Variants in CSMD1 observed in about 807,000 individuals in gnomAD.
CSMD1 encodes the protein CUB and sushi domain-containing protein 1.
A neutral mutation model predicts 417.5 loss-of-function variants in CSMD1; 213 were observed. That is an observed-to-expected ratio of 0.51 (90% CI 0.46 to 0.57). The LOEUF (loss-of-function observed/expected upper bound fraction) is 0.57, where lower values mean the gene tolerates loss of function less well. CSMD1 is among the 20% of genes least tolerant of loss of function. CSMD1 has a pLI of 0.00. For synonymous variants in CSMD1, 2,862 were observed against 1,736.8 expected (o/e 1.65, Z -16.11); for missense variants, 6,923 against 4,529.7 (o/e 1.53, Z -15.17).
chr8:3,750,096 C>T (rs1173342820), intron 6 of CSMD1, among the ~76,000 whole-genome samples: 2 of 152,004 alleles, frequency 1.3e-5, no homozygotes, highest in Non-Finnish European at 2.9e-5. Flanking sequence ...TTGCTTTGGG[C>T]TGGGGAGGCA....
Position 4,654,070 on chromosome 8 carries a change from T to C in CSMD1, c.86-16512A>G, listed in dbSNP as rs1804076671. On this transcript the variant is annotated intron_variant, in intron 1 of 69. Transcript: ENST00000635120. Reference sequence around the variant, plus strand: ...ATAATAACTTCTCAAAGCCCCATAATGCCTCAGCAACTTTTTTCTTTCCCG... The same window carrying C: ...ATAATAACTTCTCAAAGCCCCATAACGCCTCAGCAACTTTTTTCTTTCCCG... Among the ~76,000 whole-genome samples the C allele has an allele frequency of 2.0e-5, 3 of 152,254 alleles. No individual in the cohort carries two copies. In the South Asian group the frequency reaches 6.2e-4, roughly 32 times the overall value.
At chr8:4,493,917 A>G (rs1801848445) in intron 2 of CSMD1, among the ~76,000 whole-genome samples, 1 of 152,180 alleles carries the variant, frequency 6.6e-6, no homozygotes, top group African/African-American at 2.4e-5. Context: ...AGACACTAAC[A>G]ACTGACTTGA....
At chr8:4,543,370 T>C (rs1797484636) in intron 2 of CSMD1, among the ~76,000 whole-genome samples, 1 of 152,184 alleles carries the variant, frequency 6.6e-6, no homozygotes, top group Non-Finnish European at 1.5e-5. Context: ...TTTTCCAGAA[T>C]GTCATATATC....
intron 3 of CSMD1, among the ~76,000 whole-genome samples, chr8:4,211,519 T>G (rs1273721792): frequency 6.6e-6 from 1 of 152,218 alleles, no homozygotes; most frequent in African/African-American, 2.4e-5. Context: ...TATTTTCAGT[T>G]TTATCTTTTG....
intron 1 of CSMD1, among the ~76,000 whole-genome samples, chr8:4,837,926 G>C (rs529746007): frequency 2.9e-4 from 44 of 151,910 alleles, no homozygotes; most frequent in Admixed American, 2.2e-3. Flanking sequence ...TAAACTAAAA[G>C]ACAGATATAG....
intron 3 of CSMD1, among the ~76,000 whole-genome samples, chr8:4,157,326 G>C (rs1253688059): frequency 2.0e-5 from 3 of 152,254 alleles, no homozygotes; most frequent in South Asian, 2.1e-4. Context: ...ACTCAGGGTG[G>C]GCAGAGCCCA....
At chr8:4,336,419 T>G (rs1038281059) in intron 3 of CSMD1, among the ~76,000 whole-genome samples, 2 of 152,138 alleles carry the variant, frequency 1.3e-5, no homozygotes, top group African/African-American at 4.8e-5. Flanking sequence ...GGAATGACCC[T>G]AAGGCCCCCG....
intron 5 of CSMD1, among the ~76,000 whole-genome samples, chr8:3,958,666 A>G (rs1278120382): frequency 6.6e-6 from 1 of 152,186 alleles, no homozygotes; most frequent in African/African-American, 2.4e-5. Flanking sequence ...TATAAAAACA[A>G]AATGTCAAAG....
chr8:3,286,465 T>A lies in CSMD1; in HGVS notation c.3951-2119A>T, dbSNP rs940942105. Among the ~76,000 whole-genome samples, 4 of 152,308 alleles carry A rather than the reference T, an allele frequency of 2.6e-5. No homozygotes were observed. The South Asian group carries it at 6.2e-4, about 24-fold the overall frequency. On this transcript the variant is annotated intron_variant, in intron 25 of 69. Transcript: ENST00000635120. Reference sequence around the variant, plus strand: ...CCAAGAGTGTGAAAGTGTTCCTATTTCTCCACATCCTCTCCAGCACCTGTT... The same window carrying A: ...CCAAGAGTGTGAAAGTGTTCCTATTACTCCACATCCTCTCCAGCACCTGTT...
At chr8:4,935,112 C>A (rs1384783606) in intron 1 of CSMD1, among the ~76,000 whole-genome samples, 6 of 152,190 alleles carry the variant, frequency 3.9e-5, no homozygotes, top group Non-Finnish European at 5.9e-5. Flanking sequence ...TGCCTTCATT[C>A]CTTATAGCTC....
chr8:4,799,689 G>C (rs965972815), intron 1 of CSMD1, among the ~76,000 whole-genome samples: 4 of 148,920 alleles, frequency 2.7e-5, no homozygotes, highest in Admixed American at 6.7e-5. Flanking sequence ...CACTGCTTTG[G>C]AGATTATCAA....
rs181686157 is a variant in CSMD1 at position 4,766,744 on chromosome 8, T to C, written c.86-129186A>G. Among the ~76,000 whole-genome samples the C allele has an allele frequency of 2.1e-4, 32 of 152,322 alleles. No homozygotes were observed. The East Asian group carries it at 5.4e-3, about 26-fold the overall frequency. On this transcript the variant is annotated intron_variant, in intron 1 of 69. Coordinates refer to ENST00000635120, the MANE Select transcript of CSMD1 (RefSeq NM_033225.6). ...GAACCTCCACTAATCCTACGGTGTTTCTTCACGCCTGATTTATGAAGGTTT... is the reference window on the plus strand; with the variant it reads ...GAACCTCCACTAATCCTACGGTGTTCCTTCACGCCTGATTTATGAAGGTTT...
intron 5 of CSMD1, among the ~76,000 whole-genome samples, chr8:3,913,222 T>A (rs1426902327): frequency 1.3e-5 from 2 of 152,186 alleles, no homozygotes; most frequent in South Asian, 2.1e-4. Flanking sequence ...GATATCAGGG[T>A]TGGAATAAAC....
At chr8:4,678,364 T>A (rs534948675) in intron 1 of CSMD1, among the ~76,000 whole-genome samples, 7 of 152,154 alleles carry the variant, frequency 4.6e-5, no homozygotes, top group African/African-American at 1.7e-4. Flanking sequence ...TGAGCCAAGA[T>A]CATGTGACTG....
chr8:3,835,636 C>A (rs1286910232), intron 5 of CSMD1, among the ~76,000 whole-genome samples: 1 of 151,284 alleles, frequency 6.6e-6, no homozygotes, highest in Admixed American at 6.6e-5. Flanking sequence ...GGGTGCAGCA[C>A]ACCAACATGG....
At chr8:3,581,537 T>C (rs142737319) in intron 9 of CSMD1, among the ~76,000 whole-genome samples, 1 of 152,308 alleles carries the variant, frequency 6.6e-6, no homozygotes, top group East Asian at 1.9e-4. Flanking sequence ...TTCCATCAGA[T>C]ATTCCTGCTC....
intron 3 of CSMD1, among the ~76,000 whole-genome samples, chr8:4,090,287 A>C (rs1451362294): frequency 6.6e-6 from 1 of 152,180 alleles, no homozygotes; most frequent in African/African-American, 2.4e-5. Context: ...TAATTAAGGA[A>C]AGTTAAAGCC....
chr8:4,406,251 C>A, intron 3 of CSMD1, among the ~76,000 whole-genome samples: 1 of 152,204 alleles, frequency 6.6e-6, no homozygotes, highest in East Asian at 1.9e-4. Flanking sequence ...AAGTGGCTCT[C>A]CTGGTGCATT....
chr8:4,829,980 G>T lies in CSMD1; in HGVS notation c.85+164352C>A, dbSNP rs116398931. Among the ~76,000 whole-genome samples, 45 of 152,188 alleles carry T rather than the reference G, an allele frequency of 3.0e-4. No homozygotes were observed. The South Asian group carries it at 8.8e-3, about 30-fold the overall frequency. On this transcript the variant is annotated intron_variant, in intron 1 of 69. Coordinates refer to ENST00000635120, the MANE Select transcript of CSMD1 (RefSeq NM_033225.6). ...AAAAATTTTGCTTACAAACATATCG[G>T]ACAGCTTGTCTTTCCGTGCTCTCGT... is the stretch of plus-strand genomic sequence containing the variant.
Sources: allele counts gnomAD v4.1 joint callset (sites outside exome capture counted in the v4.1 genomes callset), GRCh38; gene constraint gnomAD v4.1.1; transcripts MANE v1.5; gene names NCBI Gene and HGNC (gene_info 2026-07-23, HGNC 2026-07-21).